The following STPG2 variants were observed in gnomAD, a reference collection of about 807,000 sequenced individuals.
STPG2 encodes the protein sperm-tail PG-rich repeat-containing protein 2.
A neutral mutation model predicts 54.2 loss-of-function variants in STPG2; 56 were observed. The ratio of observed to expected loss-of-function variants is 1.03; its 90% confidence interval spans 0.83 to 1.29. The LOEUF (loss-of-function observed/expected upper bound fraction) is 1.29. Among genes scored for constraint, STPG2 ranks in the 50% most tolerant of loss-of-function variants. The pLI is 0.00. For missense variants in STPG2, 596 were observed against 544.9 expected, an observed-to-expected ratio of 1.09 and a Z score of -0.93; for synonymous variants, 200 against 181.8, an observed-to-expected ratio of 1.10 and a Z score of -0.81.
At position 97,881,091 on chromosome 4, in the gene STPG2, GA is replaced by G. The variant is rs773148147; in HGVS notation, c.1045-40160del. The stretch of plus-strand genomic sequence containing the variant: ...TAAAGGAAGTGGGCATACATGTAAA[GA>G]AAAAAAAAAATGGGATCTAGTCCCC... On this transcript the variant is annotated intron_variant, in intron 8 of 10. Transcript: ENST00000295268. Among the ~76,000 whole-genome samples the G allele has an allele frequency of 5.6e-3, 794 of 141,118 alleles. 4 individuals are homozygous for G. The highest frequency in any genetic ancestry group is 0.016 in the African/African-American group (624 of 38,682). The allele number at this position is 141,118 out of a possible 152,430, so 92.6% of individuals were successfully genotyped here.
chr4:97,793,854 A>C (rs2149082861), intron 9 of STPG2, among the ~76,000 whole-genome samples: 1 of 152,226 alleles, frequency 6.6e-6, no homozygotes, highest in African/African-American at 2.4e-5. Flanking sequence ...AGTAAAGCAA[A>C]CAGGTGAAAT....
intron 4 of STPG2, among the ~76,000 whole-genome samples, chr4:97,517,587 T>C (rs911601392): frequency 1.4e-5 from 2 of 144,494 alleles, no homozygotes; most frequent in African/African-American, 5.1e-5. Context: ...TTAAACTTTG[T>C]ATGTTCTTAG....
intron 8 of STPG2, among the ~76,000 whole-genome samples, chr4:97,859,612 G>T (rs569565404): frequency 6.6e-6 from 1 of 151,792 alleles, no homozygotes; most frequent in Non-Finnish European, 1.5e-5. Flanking sequence ...CTACAGGCAC[G>T]TGCCACCATG....
At chr4:98,108,309 G>C (rs1468762395) in intron 4 of STPG2, among the ~76,000 whole-genome samples, 1 of 152,062 alleles carries the variant, frequency 6.6e-6, no homozygotes, top group Non-Finnish European at 1.5e-5. Context: ...GAAAGAAAAA[G>C]AATCAGGCAG....
At chr4:97,938,299 G>C (rs535805608) in intron 8 of STPG2, among the ~76,000 whole-genome samples, 1 of 152,352 alleles carries the variant, frequency 6.6e-6, no homozygotes, top group African/African-American at 2.4e-5. Context: ...GCACCCCCAA[G>C]AGTCCGGTGT....
chr4:98,055,879 C>T (rs1560658058), intron 5 of STPG2, among the ~76,000 whole-genome samples: 1 of 152,136 alleles, frequency 6.6e-6, no homozygotes, highest in Non-Finnish European at 1.5e-5. Flanking sequence ...GTTTTGAATG[C>T]TCTGGGAGCC....
intron 10 of STPG2, among the ~76,000 whole-genome samples, chr4:97,664,254 T>G (rs1722457233): frequency 6.6e-6 from 1 of 152,220 alleles, no homozygotes; most frequent in Non-Finnish European, 1.5e-5. Context: ...AGAGCTTAAG[T>G]ATTGCTTAAA....
At chr4:97,947,241 A>G (rs1051570926) in intron 7 of STPG2, among the ~76,000 whole-genome samples, 5 of 152,154 alleles carry the variant, frequency 3.3e-5, no homozygotes, top group Non-Finnish European at 7.4e-5. Flanking sequence ...GTAACCTGAG[A>G]CATTACTGAA....
At chr4:97,590,669 A>T (rs1733122701) in intron 10 of STPG2, among the ~76,000 whole-genome samples, 1 of 150,386 alleles carries the variant, frequency 6.6e-6, no homozygotes, top group Non-Finnish European at 1.5e-5. Context: ...ACACACACAC[A>T]CACAGAGAGA....
intron 8 of STPG2, among the ~76,000 whole-genome samples, chr4:97,897,705 C>T (rs1457330750): frequency 6.6e-6 from 1 of 152,088 alleles, no homozygotes; most frequent in Non-Finnish European, 1.5e-5. Flanking sequence ...TGTATGTCTT[C>T]TTTTGAAAAG....
intron 10 of STPG2, among the ~76,000 whole-genome samples, chr4:97,595,639 C>T (rs1262358025): frequency 6.6e-6 from 1 of 151,164 alleles, no homozygotes; most frequent in Non-Finnish European, 1.5e-5. Flanking sequence ...AGAAAAATTC[C>T]AACCAAGAAT....
At chr4:98,040,146 C>T (rs577723465) in intron 5 of STPG2, among the ~76,000 whole-genome samples, 2 of 151,690 alleles carry the variant, frequency 1.3e-5, no homozygotes, top group African/African-American at 4.8e-5. Context: ...CTCTTTATGC[C>T]CTTTGCCCAC....
At chr4:97,785,925 G>A (rs1361418534) in intron 9 of STPG2, among the ~76,000 whole-genome samples, 3 of 152,022 alleles carry the variant, frequency 2.0e-5, no homozygotes, top group Non-Finnish European at 4.4e-5. Flanking sequence ...CAAGAAAGGA[G>A]CTACTCAACT....
Position 97,561,665 on chromosome 4 carries a change from C to G in STPG2, c.1321-2548G>C, listed in dbSNP as rs547981562. Among the ~76,000 whole-genome samples, 16 of 152,118 alleles carry G rather than the reference C, an allele frequency of 1.1e-4. 1 individual carries two copies. In the South Asian group the frequency reaches 2.7e-3, roughly 26 times the overall value. On this transcript the variant is annotated intron_variant, in intron 10 of 10. Transcript: ENST00000295268. ...GGATTCAGTTTCAGCATATGGCTAG[C>G]CAGTTTTCCCAGCACCATTTATTAA...
intron 7 of STPG2, among the ~76,000 whole-genome samples, chr4:97,958,739 G>A (rs574041012): frequency 6.0e-4 from 91 of 152,168 alleles, no homozygotes; most frequent in Non-Finnish European, 1.0e-3. Context: ...ACTACTAGAC[G>A]TAAGAAATGA....
intron 10 of STPG2, among the ~76,000 whole-genome samples, chr4:97,696,453 C>T (rs183988812): frequency 6.6e-6 from 1 of 152,348 alleles, no homozygotes; most frequent in Admixed American, 6.5e-5. Flanking sequence ...CCCTTTTAGA[C>T]ACTGGCTTAG....
At chr4:97,443,114 C>A (rs1729131235) in intron 4 of STPG2, among the ~76,000 whole-genome samples, 1 of 152,090 alleles carries the variant, frequency 6.6e-6, no homozygotes, top group Non-Finnish European at 1.5e-5. Context: ...ATACAGACAA[C>A]CAAGTTTTGA....
rs5860519 is a variant in STPG2 at position 98,052,087 on chromosome 4, CA to C, written c.612+53865del. On this transcript the variant is annotated intron_variant, in intron 5 of 10. Coordinates refer to ENST00000295268, the MANE Select transcript of STPG2 (RefSeq NM_174952.3). ...GGGCCACGAGAGCAAAACTCTGTCT[CA>C]AAAAAAAAAAAAAAAAGAAACAAAT... is the stretch of plus-strand genomic sequence containing the variant. Among the ~76,000 whole-genome samples the C allele has an allele frequency of 2.2e-3, 254 of 117,782 alleles. 1 individual carries two copies. The highest frequency in any genetic ancestry group is 4.0e-3 in the Admixed American group (43 of 10,716). 77.3% of individuals were successfully genotyped at this position (117,782 alleles called of 152,430 possible). A position where few individuals can be genotyped will look rare whatever the true frequency, so the allele number is the denominator to read the frequency against.
At chr4:97,714,218 A>T (rs1019991051) in intron 9 of STPG2, among the ~76,000 whole-genome samples, 2 of 152,198 alleles carry the variant, frequency 1.3e-5, no homozygotes, top group African/African-American at 4.8e-5. Flanking sequence ...ATTCTTGTTG[A>T]TGCTTTAAAA....
Sources: allele counts gnomAD v4.1 joint callset (sites outside exome capture counted in the v4.1 genomes callset), GRCh38; gene constraint gnomAD v4.1.1; transcripts MANE v1.5; gene names NCBI Gene and HGNC (gene_info 2026-07-23, HGNC 2026-07-21).